FAM234A: variants seen among roughly 807,000 people sequenced by gnomAD.
The protein encoded by FAM234A is protein FAM234A.
In FAM234A, 42 loss-of-function variants were observed where a neutral mutation model predicts 49.1. The observed-to-expected ratio is 0.86, with a 90% CI of 0.67 to 1.11. The LOEUF (loss-of-function observed/expected upper bound fraction) is 1.11. Ranked by LOEUF, FAM234A falls within the 50% of genes least tolerant of loss-of-function variation. The pLI, the probability that FAM234A is intolerant of heterozygous loss-of-function variation, is 0.00. For synonymous variants in FAM234A, 369 were observed against 316.2 expected (o/e 1.17, Z -1.77); for missense variants, 815 against 745.2 (o/e 1.09, Z -1.09).
rs369536851 is a variant in FAM234A, at chr16:258,361, C to A, written c.269-1122C>A. 9.1e-4 allele frequency among the ~76,000 whole-genome samples: 138 copies of A among 152,234 alleles called. 1 individual carries two copies. Among genetic ancestry groups the A allele is most frequent in the African/African-American group, 3.1e-3 (128 of 41,542 alleles). On this transcript the variant is annotated intron_variant, in intron 3 of 12. Coordinates refer to ENST00000399932, the MANE Select transcript of FAM234A (RefSeq NM_032039.4). ...ATTAGGGAGTGGTGATGACTCTTAA[C>A]GAGCATGCTGCCTTCAAGCATCTGT...
chr16:263,043 C>T lies in FAM234A; in HGVS notation c.972-219C>T, dbSNP rs187573207. 2.5e-3 allele frequency among the ~76,000 whole-genome samples: 383 copies of T among 152,232 alleles called. 2 individuals carry two copies. Among genetic ancestry groups the T allele is most frequent in the African/African-American group, 8.7e-3 (361 of 41,542 alleles). ...CCATGTTGGTCAGACTGGTCTCGAA[C>T]TTCTGACCTCGTGATCCGCCCGCCT... On this transcript the variant is annotated intron_variant, in intron 8 of 12. Transcript: ENST00000399932.
chr16:244,189 C>T (rs1382622190), intron 1 of FAM234A, among the ~76,000 whole-genome samples: 1 of 152,086 alleles, frequency 6.6e-6, no homozygotes, highest in Non-Finnish European at 1.5e-5. Context: ...AGGATGGTCT[C>T]GATCTCCTGA....
chr16:262,349 T>C, intron 7 of FAM234A, 75 bp from the exon 8 acceptor site: 10 of 1,558,502 alleles, frequency 6.4e-6, no homozygotes, highest in Non-Finnish European at 8.7e-6. Context: ...CCTGGCTCCA[T>C]GTGGCACTGC....
chr16:259,578 A>C lies in FAM234A; in HGVS notation c.364A>C (p.Ser122Arg). Residue 122 changes from serine (S) to arginine (R), a missense_variant, in exon 4 of 13, where the codon AGC (serine) becomes CGC (arginine). Physicochemically the swap from Ser to Arg is moderately radical, Grantham distance 110. Transcript: ENST00000399932. ...YKNTNSSNNF[S>R]RSCVDEGFSS... ...AAACACCAACAGCAGCAACAATTTC[A>C]GCCGATCCTGTGTGGACGAAGGTAA... is the stretch of plus-strand genomic sequence containing the variant. 2 of 1,606,970 alleles carry C rather than the reference A, an allele frequency of 1.2e-6. No individual in the cohort carries two copies. The highest frequency in any genetic ancestry group is 1.7e-6 in the Non-Finnish European group (2 of 1,173,436).
intron 1 of FAM234A, among the ~76,000 whole-genome samples, chr16:239,919 G>C (rs1224121504): frequency 2.6e-5 from 4 of 152,122 alleles, no homozygotes; most frequent in Non-Finnish European, 5.9e-5. Context: ...CTTTAAAGTG[G>C]TTCTGGAAAA....
At chr16:243,490 G>T (rs1372570056) in intron 1 of FAM234A, among the ~76,000 whole-genome samples, 1 of 152,174 alleles carries the variant, frequency 6.6e-6, no homozygotes, top group Non-Finnish European at 1.5e-5. Context: ...TATTTTTAAT[G>T]ACCGCAGTAG....
At chr16:258,636 T>C (rs1166642470) in intron 3 of FAM234A, among the ~76,000 whole-genome samples, 2 of 152,278 alleles carry the variant, frequency 1.3e-5, no homozygotes, top group East Asian at 3.9e-4. Flanking sequence ...AAACCGCCAT[T>C]GTCATCATGG....
intron 2 of FAM234A, 114 bp from the exon 3 acceptor site, chr16:254,267 C>T: frequency 1.3e-6 from 1 of 776,100 alleles, no homozygotes; most frequent in Non-Finnish European, 2.1e-6. Context: ...GCTGGTGGCC[C>T]ATAGTTAGAG....
At chr16:236,778 CGCCTG>C (rs1372678993) in intron 1 of FAM234A, among the ~76,000 whole-genome samples, 1 of 124,934 alleles carries the variant, frequency 8.0e-6, no homozygotes, top group African/African-American at 2.7e-5. Context: ...AGGTGGCGGG[CGCCTG>C]TAGTCCCAGC....
chr16:257,262 T>TG (rs1406956931), intron 3 of FAM234A, among the ~76,000 whole-genome samples: 3 of 141,838 alleles, frequency 2.1e-5, no homozygotes, highest in Non-Finnish European at 4.5e-5. Flanking sequence ...TTTTTTTTTT[T>TG]GGAGACAGTC....
Position 259,561 on chromosome 16 carries a change from A to C in FAM234A, c.347A>C (p.Asn116Thr). ...GTTCTTTTTCTTTATAAAAACACCA[A>C]CAGCAGCAACAATTTCAGCCGATCC... Reference protein sequence around the residue: ...QDVLFLYKNTNSSNNFSRSCV... With the variant: ...QDVLFLYKNTTSSNNFSRSCV... The change falls in exon 4 of 13, where the codon AAC becomes ACC. Residue 116 changes from asparagine to threonine, a missense_variant. Transcript: ENST00000399932. The C allele has an allele frequency of 6.2e-7, 1 of 1,612,076 alleles. No individual in the cohort carries two copies. The highest frequency in any genetic ancestry group is 1.1e-5 in the South Asian group (1 of 91,038).
Position 263,373 on chromosome 16 carries a change from C to A in FAM234A, c.1083C>A (p.Arg361=). ...TGGACGGGCAGGAGCTGACGCCTCG[C>A]TGGACACCCAAGGCAGCCCATGTCC... The part of the protein sequence containing the change: ...VLLDGQELTP[R]WTPKAAHVLR... Residue 361 remains arginine, a synonymous_variant, in exon 9 of 13, where the codon CGC becomes CGA. Transcript: ENST00000399932. 1.2e-6 allele frequency: 2 copies of A among 1,611,608 alleles called. No homozygotes were observed. Among genetic ancestry groups the A allele is most frequent in the South Asian group, 1.1e-5 (1 of 91,082 alleles).
intron 5 of FAM234A, 95 bp downstream of exon 5, chr16:260,255 GC>G (rs2051406836): frequency 2.6e-6 from 3 of 1,168,988 alleles, no homozygotes; most frequent in African/African-American, 1.5e-5. Flanking sequence ...ACGAGGCTCA[GC>G]CCTGTGATCT....
At chr16:241,909 A>C (rs972475133) in intron 1 of FAM234A, among the ~76,000 whole-genome samples, 3 of 150,824 alleles carry the variant, frequency 2.0e-5, no homozygotes, top group Non-Finnish European at 4.4e-5. Flanking sequence ...ACGTCTCAAA[A>C]AAAAAAAAAA....
intron 2 of FAM234A, 166 bp from the exon 3 acceptor site, chr16:254,215 A>G (rs2051135748): frequency 1.5e-6 from 1 of 659,780 alleles, no homozygotes; most frequent in South Asian, 1.8e-5. Flanking sequence ...ATAATCTGTT[A>G]AGACTGACAC....
At chr16:251,043 A>G (rs1048898370) in intron 2 of FAM234A, among the ~76,000 whole-genome samples, 1 of 151,598 alleles carries the variant, frequency 6.6e-6, no homozygotes, top group Non-Finnish European at 1.5e-5. Context: ...TGCAACTTCC[A>G]CCTCCCGGGT....
intron 6 of FAM234A, 64 bp from the exon 7 acceptor site, chr16:262,029 C>A: frequency 7.3e-7 from 1 of 1,363,192 alleles, no homozygotes; most frequent in Non-Finnish European, 9.5e-7. Flanking sequence ...TCTTCCTGGG[C>A]CTTGTGTCCT....
At chr16:268,258 TG>T, downstream of FAM234A, 1 of 223,742 alleles carries the variant, frequency 4.5e-6, no homozygotes, top group South Asian at 7.6e-5. Context: ...CACACACCCA[TG>T]CATGTGTCAC....
intron 1 of FAM234A, among the ~76,000 whole-genome samples, chr16:240,556 A>G (rs938804336): frequency 7.3e-5 from 11 of 150,316 alleles, no homozygotes; most frequent in African/African-American, 2.5e-4. Flanking sequence ...AGGCTGGAGT[A>G]CAATGGTGCG....
Sources: allele counts gnomAD v4.1 joint callset (sites outside exome capture counted in the v4.1 genomes callset), GRCh38; gene constraint gnomAD v4.1.1; transcripts MANE v1.5; gene names NCBI Gene and HGNC (gene_info 2026-07-23, HGNC 2026-07-21).